The following HTR2C variants were observed in gnomAD, a reference collection of about 807,000 sequenced individuals.
HTR2C encodes the protein 5-hydroxytryptamine (serotonin) receptor 2C, G protein-coupled.
Under a neutral mutation model 21.0 loss-of-function variants are expected in HTR2C, and 5 were observed. The observed-to-expected ratio is 0.24, with a 90% CI of 0.12 to 0.50. HTR2C has a LOEUF of 0.50. Ranked by LOEUF, HTR2C falls within the 20% of genes least tolerant of loss-of-function variation. The probability of loss-of-function intolerance (pLI) is 0.98; values close to 1 mark genes in which losing one functional copy is unlikely to be tolerated. For missense variants in HTR2C, 271 were observed against 371.2 expected (o/e 0.73, Z 2.22); for synonymous variants, 150 against 145.3 (o/e 1.03, Z -0.23).
At chrX:114,701,016 C>T (rs781890501) in intron 2 of HTR2C, among the ~76,000 whole-genome samples, 5 of 112,313 alleles carry the variant, frequency 4.5e-5, no homozygotes, top group Admixed American at 1.9e-4. Flanking sequence ...GAGGGGCGAC[C>T]GCCATTGCCC....
chrX:114,834,641 G>A (rs1305006434), intron 4 of HTR2C, among the ~76,000 whole-genome samples: 12 of 104,136 alleles, frequency 1.2e-4, no homozygotes, highest in Non-Finnish European at 2.2e-4. Context: ...CACACTGATG[G>A]GTCTTGACTC....
intron 1 of HTR2C, among the ~76,000 whole-genome samples, chrX:114,597,391 A>C (rs782570421): frequency 9.0e-6 from 1 of 111,524 alleles, no homozygotes; most frequent in Non-Finnish European, 1.9e-5. Flanking sequence ...TTTATCTTCT[A>C]TTTGGGAAGA....
intron 4 of HTR2C, among the ~76,000 whole-genome samples, chrX:114,806,044 C>A (rs907019026): frequency 1.1e-5 from 1 of 87,518 alleles, no homozygotes; most frequent in Non-Finnish European, 2.3e-5. Flanking sequence ...ACCATATATA[C>A]CATATGCATA....
At chrX:114,632,469 G>T (rs1165660057) in intron 2 of HTR2C, among the ~76,000 whole-genome samples, 1 of 111,452 alleles carries the variant, frequency 9.0e-6, no homozygotes, top group Non-Finnish European at 1.9e-5. Flanking sequence ...AGACAATTGA[G>T]ACAAAATGTA....
At chrX:114,753,420 T>C (rs1602747747) in intron 4 of HTR2C, among the ~76,000 whole-genome samples, 1 of 112,008 alleles carries the variant, frequency 8.9e-6, no homozygotes, top group South Asian at 3.7e-4. Flanking sequence ...AGGAAACTAA[T>C]ACATTTGTCT....
intron 5 of HTR2C, among the ~76,000 whole-genome samples, chrX:114,873,271 C>T (rs1308325836): frequency 9.0e-6 from 1 of 111,124 alleles, no homozygotes; most frequent in African/African-American, 3.3e-5. Flanking sequence ...TACACTTGTC[C>T]TATCTGTTTT....
At chrX:114,776,307 C>A in intron 4 of HTR2C, 1 of 673,346 alleles carries the variant, frequency 1.5e-6, no homozygotes, top group Non-Finnish European at 2.4e-6. Flanking sequence ...TCTTTGGTAG[C>A]CTGATGCTGA....
chrX:114,903,044 CAGTT>C (rs1168287244), intron 5 of HTR2C, among the ~76,000 whole-genome samples: 2 of 112,102 alleles, frequency 1.8e-5, no homozygotes, highest in Non-Finnish European at 1.9e-5. Context: ...GTTTTAAAGA[CAGTT>C]AGGAAAGGAA....
chrX:114,764,096 T>A lies in HTR2C; in HGVS notation c.349+32489T>A, dbSNP rs1043069886. Among the ~76,000 whole-genome samples the A allele has an allele frequency of 4.5e-5, 5 of 111,944 alleles. No homozygotes were observed. The South Asian group carries it at 1.8e-3, about 41-fold the overall frequency. On this transcript the variant is annotated intron_variant, in intron 4 of 5. Transcript: ENST00000276198. The stretch of plus-strand genomic sequence containing the variant: ...CCTTTGCTGTTTCTCTCTTCTATCC[T>A]CCTTAGAAATGTACAACTTTGGCTG...
chrX:114,595,775 AGACT>A (rs782409387), intron 1 of HTR2C, among the ~76,000 whole-genome samples: 6 of 105,307 alleles, frequency 5.7e-5, no homozygotes, highest in African/African-American at 2.1e-4. Flanking sequence ...AAATAACAAT[AGACT>A]GACTAATGAG....
intron 5 of HTR2C, among the ~76,000 whole-genome samples, chrX:114,859,441 G>C (rs2070989346): frequency 9.1e-6 from 1 of 110,273 alleles, no homozygotes; most frequent in Non-Finnish European, 1.9e-5. Context: ...TGTTAGTTTT[G>C]GTAAATTGTA....
chrX:114,819,270 A>G (rs1982573103), intron 4 of HTR2C, among the ~76,000 whole-genome samples: 1 of 112,271 alleles, frequency 8.9e-6, no homozygotes, highest in African/African-American at 3.2e-5. Flanking sequence ...AAGTTGAATA[A>G]TTTACTACTC....
chrX:114,680,626 G>C (rs782475526), intron 2 of HTR2C, among the ~76,000 whole-genome samples: 6 of 111,703 alleles, frequency 5.4e-5, no homozygotes, highest in Non-Finnish European at 1.1e-4. Flanking sequence ...TCTCATCCTT[G>C]ATGGTAAGAA....
chrX:114,737,371 C>A (rs1479727904), intron 4 of HTR2C, among the ~76,000 whole-genome samples: 1 of 109,333 alleles, frequency 9.1e-6, no homozygotes, highest in African/African-American at 3.3e-5. Flanking sequence ...GGATTACACA[C>A]GTGCACCGCC....
intron 2 of HTR2C, among the ~76,000 whole-genome samples, chrX:114,703,524 C>T (rs1312902546): frequency 9.0e-6 from 1 of 111,387 alleles, no homozygotes; most frequent in Non-Finnish European, 1.9e-5. Context: ...AGAGCAAAGA[C>T]ACAACATACC....
chrX:114,602,799 A>C (rs1928183621), intron 1 of HTR2C, among the ~76,000 whole-genome samples: 1 of 67,364 alleles, frequency 1.5e-5, no homozygotes, highest in Admixed American at 1.9e-4. Flanking sequence ...CTTGTTGAGT[A>C]AAGCTAATTT....
At chrX:114,703,761 T>G (rs1444051449) in intron 2 of HTR2C, among the ~76,000 whole-genome samples, 2 of 110,626 alleles carry the variant, frequency 1.8e-5, no homozygotes, top group African/African-American at 6.6e-5. Context: ...AAAAAATTAT[T>G]GAATCCGGGA....
At chrX:114,874,595 A>G (rs1444177462) in intron 5 of HTR2C, among the ~76,000 whole-genome samples, 1 of 109,133 alleles carries the variant, frequency 9.2e-6, no homozygotes, top group Non-Finnish European at 1.9e-5. Flanking sequence ...TGCAACCTCC[A>G]TCTCCTTGTT....
intron 2 of HTR2C, among the ~76,000 whole-genome samples, chrX:114,725,592 C>T (rs781901034): frequency 1.8e-5 from 2 of 112,094 alleles, no homozygotes; most frequent in Admixed American, 1.9e-4. Context: ...GAGAGGCGCT[C>T]TGCATTTTAG....
Sources: allele counts gnomAD v4.1 joint callset (sites outside exome capture counted in the v4.1 genomes callset), GRCh38; gene constraint gnomAD v4.1.1; transcripts MANE v1.5; gene names NCBI Gene and HGNC (gene_info 2026-07-23, HGNC 2026-07-21).